Variants in CROCC observed in about 807,000 individuals in gnomAD.
CROCC encodes the protein rootletin.
CROCC carries 180 observed loss-of-function variants against 245.2 expected under a neutral mutation model. The observed-to-expected ratio is 0.73, with a 90% CI of 0.65 to 0.83. The LOEUF is 0.83. Among genes scored for constraint, CROCC ranks in the 40% least tolerant of loss-of-function variants. The pLI is 0.00. For synonymous variants in CROCC, 1,205 were observed against 1,241.6 expected, an observed-to-expected ratio of 0.97 and a Z score of 0.62; for missense variants, 2,688 against 2,779.4, an observed-to-expected ratio of 0.97 and a Z score of 0.74.
chr1:16,950,556 C>G (rs2076141634), intron 19 of CROCC, among the ~76,000 whole-genome samples: 2 of 152,192 alleles, frequency 1.3e-5, no homozygotes, highest in Admixed American at 6.5e-5. Flanking sequence ...CAGGGTTTCA[C>G]CATGTTGGCC....
At chr1:16,941,738 A>C (rs577966486) in intron 13 of CROCC, among the ~76,000 whole-genome samples, 5,556 of 151,786 alleles carry the variant, frequency 0.037, no homozygotes, top group Middle Eastern at 0.058. Flanking sequence ...TCTCAAAAAA[A>C]AAAAAAAAAG....
At chr1:16,950,034 G>T (rs1638427301) in intron 19 of CROCC, among the ~76,000 whole-genome samples, 1 of 151,614 alleles carries the variant, frequency 6.6e-6, no homozygotes. Context: ...CTCCCAAACT[G>T]CTGGGATTAC....
intron 1 of CROCC, among the ~76,000 whole-genome samples, chr1:16,916,609 C>G (rs2075307516): frequency 6.6e-6 from 1 of 152,284 alleles, no homozygotes; most frequent in Non-Finnish European, 1.5e-5. Context: ...CAGGCTCAAG[C>G]AATCCTCCTG....
At chr1:16,934,026 T>C (rs1440480668) in intron 8 of CROCC, among the ~76,000 whole-genome samples, 1 of 152,266 alleles carries the variant, frequency 6.6e-6, no homozygotes, top group Non-Finnish European at 1.5e-5. Context: ...GATCTAAAGC[T>C]AGGTCAGATT....
chr1:16,966,278 C>T lies in CROCC; in HGVS notation c.4697-130C>T. 7.0e-7 allele frequency: 1 copy of T among 1,425,624 alleles called. No homozygotes were observed. Among genetic ancestry groups the T allele is most frequent in the Admixed American group, 2.5e-5 (1 of 39,692 alleles). 88.3% of individuals were successfully genotyped at this position (1,425,624 alleles called of 1,614,324 possible). On this transcript the variant is annotated intron_variant, in intron 29 of 36. Coordinates refer to ENST00000375541, the MANE Select transcript of CROCC (RefSeq NM_014675.5). The surrounding 1 kb of genome is among the most constrained non-coding windows in gnomAD (Gnocchi z 4.8). ...TTGGACAGCCTCACCTGTGTGCAGG[C>T]CCGCATACTACGAAGGGTGCAGACA... is the stretch of plus-strand genomic sequence containing the variant.
rs762540524 is a variant in CROCC, at chr1:16,936,832, G to C, written c.1152G>C (p.Gln384His). The C allele has an allele frequency of 2.5e-6, 4 of 1,612,382 alleles. No homozygotes were observed. The highest frequency in any genetic ancestry group is 2.2e-5 in the East Asian group (1 of 44,884). Residue 384 changes from glutamine to histidine, a missense_variant, in exon 9 of 37, where the codon CAG (glutamine) becomes CAC (histidine). Gln to His is a conservative substitution (Grantham distance 24). Transcript: ENST00000375541. The stretch of plus-strand genomic sequence containing the variant: ...TCCGCGAGAAGGACCTGGCGCAGCA[G>C]CAGATGCAAAGCGACCTGGACAAGG... ...KVLREKDLAQ[Q>H]QMQSDLDKAD... is the part of the protein sequence containing the mutation.
Position 16,965,753 on chromosome 1 carries a change from C to T in CROCC, c.4436C>T (p.Thr1479Ile), listed in dbSNP as rs377099179. ...GSGEGLNSPS[T>I]LECSPGSQPP... The stretch of plus-strand genomic sequence containing the variant: ...GGGGAAGGGCTCAACAGCCCCAGCA[C>T]CTTAGAATGCAGCCCTGGGTCCCAG... The change falls in exon 28 of 37, where the codon ACC becomes ATC. Residue 1479 changes from threonine (T) to isoleucine (I), a missense_variant. Physicochemically the swap from Thr to Ile is moderately conservative, Grantham distance 89. Transcript: ENST00000375541. 47 of 1,613,902 alleles carry T rather than the reference C, an allele frequency of 2.9e-5. No individual in the cohort carries two copies. In the African/African-American group the frequency reaches 3.5e-4, roughly 12 times the overall value.
rs762069551 is a variant in CROCC at position 16,944,209 on chromosome 1, C to A, written c.1918C>A (p.Arg640=). The change falls in exon 14 of 37, where the codon CGG becomes AGG. Residue 640 remains arginine (R), a synonymous_variant. Transcript: ENST00000375541. ...TGCCCAGGAGGAGCTGCGGCGCCAG[C>A]GGGACCGGCTGGAGGAAGAGCAGGA... is the stretch of plus-strand genomic sequence containing the variant. ...QAAQEELRRQ[R]DRLEEEQEDA... is the part of the protein sequence containing the mutation. 1 of 1,555,386 alleles carries A rather than the reference C, an allele frequency of 6.4e-7. No individual in the cohort carries two copies. The highest frequency in any genetic ancestry group is 8.7e-7 in the Non-Finnish European group (1 of 1,149,406).
At chr1:16,945,876 T>C (rs1318533327) in intron 15 of CROCC, among the ~76,000 whole-genome samples, 1 of 152,294 alleles carries the variant, frequency 6.6e-6, no homozygotes, top group East Asian at 1.9e-4. Context: ...CTCAGGGTCA[T>C]CCAGTGCCTG....
intron 30 of CROCC, among the ~76,000 whole-genome samples, chr1:16,967,318 T>C (rs573399598): frequency 6.6e-6 from 1 of 152,184 alleles, no homozygotes; most frequent in Admixed American, 6.5e-5. Flanking sequence ...ACTCAGGCCC[T>C]GGTGGTGACA....
At chr1:16,939,388 G>T (rs865774367) in intron 12 of CROCC, among the ~76,000 whole-genome samples, 52 of 152,360 alleles carry the variant, frequency 3.4e-4, no homozygotes, top group Admixed American at 1.5e-3. Context: ...AGCTGGGGGT[G>T]GGTGCTTGGG....
rs779647907 is a variant in CROCC, at chr1:16,954,974, C to T, written c.3465+97C>T. 23 of 1,385,414 alleles carry T rather than the reference C, an allele frequency of 1.7e-5. No homozygotes were observed. In the South Asian group the frequency reaches 3.2e-4, roughly 19 times the overall value. 85.8% of individuals were successfully genotyped at this position (1,385,414 alleles called of 1,614,324 possible). On this transcript the variant is annotated intron_variant, in intron 23 of 36. Transcript: ENST00000375541. The surrounding 1 kb of genome is among the most constrained non-coding windows in gnomAD (Gnocchi z 4.4). The stretch of plus-strand genomic sequence containing the variant: ...AGGGCCCCAGAAGAGTGTAAGATTC[C>T]TCCCTGCATTTGAGGACCAATGAAT...
At position 16,946,800 on chromosome 1, in the gene CROCC, C is replaced by T. The variant is rs1410627985; in HGVS notation, c.2323C>T (p.Gln775Ter). 1 of 1,552,286 alleles carries T rather than the reference C, an allele frequency of 6.4e-7. No homozygotes were observed. The change falls in exon 17 of 37, where the codon CAG (glutamine) becomes TAG (stop). Residue 775 changes from glutamine to a stop codon, truncating the protein, a stop_gained. Coordinates refer to ENST00000375541, the MANE Select transcript of CROCC (RefSeq NM_014675.5). LOFTEE classifies it high-confidence loss of function. Reference sequence around the variant, plus strand: ...GTCCGCCCTGCAGGGCCGGCAACGGCAGGCAGAGCAGGAGGCCACAGTGGC... The same window carrying T: ...GTCCGCCCTGCAGGGCCGGCAACGGTAGGCAGAGCAGGAGGCCACAGTGGC... ...EKSALQGRQR[Q>*]AEQEATVARE...
intron 8 of CROCC, 24 bp downstream of exon 8, chr1:16,931,421 C>T (rs770223746): frequency 2.5e-6 from 4 of 1,591,926 alleles, no homozygotes; most frequent in Non-Finnish European, 3.4e-6. Context: ...GGGGACGGGG[C>T]AGCAGCTGAG....
At chr1:16,939,724 G>A (rs541651007) in intron 12 of CROCC, among the ~76,000 whole-genome samples, 170 bp from the exon 13 acceptor site, 1 of 152,322 alleles carries the variant, frequency 6.6e-6, no homozygotes, top group South Asian at 2.1e-4. Flanking sequence ...CACATAGGAG[G>A]GGAGCGGAAG....
At chr1:16,923,168 G>A (rs1374656065) in intron 2 of CROCC, among the ~76,000 whole-genome samples, 1 of 152,284 alleles carries the variant, frequency 6.6e-6, no homozygotes, top group African/African-American at 2.4e-5. Context: ...GGAAGTCTGA[G>A]TGGATGGCGC....
chr1:16,950,016 G>A (rs768571771), intron 19 of CROCC, among the ~76,000 whole-genome samples: 4 of 151,804 alleles, frequency 2.6e-5, no homozygotes, highest in South Asian at 2.1e-4. Context: ...TGATCCACCC[G>A]CTTTGGCCTC....
In CROCC at chr1:16,939,101, C is replaced by G; in HGVS notation, c.1567C>G (p.Leu523Val). The G allele has an allele frequency of 6.4e-7, 1 of 1,573,210 alleles. No homozygotes were observed. The highest frequency in any genetic ancestry group is 8.6e-7 in the Non-Finnish European group (1 of 1,167,374). The change falls in exon 12 of 37, where the codon CTG becomes GTG. Residue 523 changes from leucine (L) to valine (V), a missense_variant. Around this residue, in one of 9 missense-constraint regions of CROCC, gnomAD observed 972 missense variants for 895.3 expected, o/e 1.09. Coordinates refer to ENST00000375541, the MANE Select transcript of CROCC (RefSeq NM_014675.5). ...CTGCTCAGACTCCTCCACGCTCGCC[C>G]TGATCCACTCCGCCCTGCACAAGCG... ...PACSDSSTLA[L>V]IHSALHKRQL...
chr1:16,924,506 G>A, intron 3 of CROCC, 27 bp downstream of exon 3: 1 of 1,603,814 alleles, frequency 6.2e-7, no homozygotes, highest in Non-Finnish European at 8.5e-7. Context: ...TGGTGGACTA[G>A]GCCAGGGTTC....
Sources: gnomAD v4.1 joint callset for allele counts (sites outside exome capture counted in the v4.1 genomes callset) on GRCh38, gnomAD v4.1.1 for gene constraint, gnomAD v4.1.1 regional missense constraint, Gnocchi (gnomAD v3.1) non-coding constraint, MANE v1.5 for transcripts, NCBI Gene and HGNC (gene_info 2026-07-23, HGNC 2026-07-21) for gene names.